The following MMS22L variants were observed in gnomAD, a reference collection of about 807,000 sequenced individuals.
MMS22L encodes MMS22 like, DNA repair protein.
A neutral mutation model predicts 159.1 loss-of-function variants in MMS22L; 74 were observed. The observed-to-expected ratio is 0.47, with a 90% CI of 0.39 to 0.56. The LOEUF (loss-of-function observed/expected upper bound fraction) is 0.56. Among genes scored for constraint, MMS22L ranks in the 20% least tolerant of loss-of-function variants. MMS22L has a pLI of 0.00. For missense variants in MMS22L, 1,351 were observed against 1,422.1 expected, an observed-to-expected ratio of 0.95 and a Z score of 0.80; for synonymous variants, 517 against 506.9, an observed-to-expected ratio of 1.02 and a Z score of -0.27.
At chr6:97,211,662 A>T (rs911560437) in intron 14 of MMS22L, among the ~76,000 whole-genome samples, 2 of 152,124 alleles carry the variant, frequency 1.3e-5, no homozygotes, top group African/African-American at 4.8e-5. Flanking sequence ...TATTCTTCTG[A>T]CATCTATTTT....
At position 97,251,918 on chromosome 6, in the gene MMS22L, C is replaced by T. The variant is rs539232418; in HGVS notation, c.1119+2639G>A. ...CTAACACAGTGAAACCCCGTTTCTA[C>T]GAAAAATACAAAAAATTAGCCAGGC... On this transcript the variant is annotated intron_variant, in intron 10 of 24. Coordinates refer to ENST00000683635, the MANE Select transcript of MMS22L (RefSeq NM_001350599.2). Among the ~76,000 whole-genome samples, 314 of 151,942 alleles carry T rather than the reference C, an allele frequency of 2.1e-3. 2 individuals are homozygous for T. Among genetic ancestry groups the T allele is most frequent in the Admixed American group, 3.3e-3 (50 of 15,234 alleles).
At chr6:97,245,025 G>A (rs1394339495) in intron 11 of MMS22L, among the ~76,000 whole-genome samples, 1 of 152,072 alleles carries the variant, frequency 6.6e-6, no homozygotes, top group Non-Finnish European at 1.5e-5. Flanking sequence ...CAGCCAGCAA[G>A]GTCAGTCTCA....
intron 13 of MMS22L, among the ~76,000 whole-genome samples, chr6:97,229,761 A>G (rs1049127591): frequency 8.5e-5 from 13 of 152,182 alleles, no homozygotes; most frequent in African/African-American, 3.1e-4. Context: ...TCTTTTAAAT[A>G]CAATTTGATA....
chr6:97,236,883 G>A (rs1042115558), intron 11 of MMS22L, among the ~76,000 whole-genome samples: 14 of 151,398 alleles, frequency 9.2e-5, no homozygotes, highest in African/African-American at 2.7e-4. Context: ...CCTGGGAGGC[G>A]AAGCTTGCAG....
chr6:97,173,080 A>T lies in MMS22L; in HGVS notation c.2822T>A (p.Leu941Gln), dbSNP rs765512684. ...ATACATACCCATCATTCCATAAGTC[A>T]GCTGCAGCCCTGCACTGAAAACTTT... ...GKKVFSAGLQ[L>Q]TYGMMGILVK... The change falls in exon 19 of 25, where the codon CTG (leucine) becomes CAG (glutamine). Residue 941 changes from leucine to glutamine, a missense_variant. Coordinates refer to ENST00000683635, the MANE Select transcript of MMS22L (RefSeq NM_001350599.2). 8.1e-6 allele frequency: 13 copies of T among 1,610,384 alleles called. No homozygotes were observed. In the East Asian group the frequency reaches 2.7e-4, roughly 33 times the overall value.
At chr6:97,272,528 G>T in intron 6 of MMS22L, 176 bp downstream of exon 6, 1 of 564,218 alleles carries the variant, frequency 1.8e-6, no homozygotes, top group Non-Finnish European at 3.1e-6. Flanking sequence ...TGGAGGCTGA[G>T]GTGTCATTTG....
Position 97,191,550 on chromosome 6 carries a change from C to A in MMS22L, c.2040-4860G>T, listed in dbSNP as rs572185689. On this transcript the variant is annotated intron_variant, in intron 14 of 24. Coordinates refer to ENST00000683635, the MANE Select transcript of MMS22L (RefSeq NM_001350599.2). ...AAGGATTAACAGCAATAATTGAATTCTTTTAACTCTACTGCAAACATGGTA... is the reference window on the plus strand; with the variant it reads ...AAGGATTAACAGCAATAATTGAATTATTTTAACTCTACTGCAAACATGGTA... 2.9e-4 allele frequency among the ~76,000 whole-genome samples: 43 copies of A among 150,122 alleles called. 2 individuals are homozygous for A. Among genetic ancestry groups the A allele is most frequent in the South Asian group, 1.9e-3 (9 of 4,818 alleles).
At position 97,282,553 on chromosome 6, in the gene MMS22L, C is replaced by T. The variant is rs1700993022; in HGVS notation, c.-76G>A. On this transcript the variant is annotated splice_region_variant and 5_prime_UTR_variant, in exon 2 of 25. Coordinates refer to ENST00000683635, the MANE Select transcript of MMS22L (RefSeq NM_001350599.2). ...TCCAAAGAGAAGGTGTGAAGAGATTCCTGTTGGGGGGGGGGGGGTGGGGCC... is the reference window on the plus strand; with the variant it reads ...TCCAAAGAGAAGGTGTGAAGAGATTTCTGTTGGGGGGGGGGGGGTGGGGCC... 1.6e-5 allele frequency: 2 copies of T among 125,134 alleles called. No homozygotes were observed. The highest frequency in any genetic ancestry group is 3.6e-4 in the Admixed American group (2 of 5,588). 7.8% of individuals were successfully genotyped at this position (125,134 alleles called of 1,614,324 possible).
intron 19 of MMS22L, among the ~76,000 whole-genome samples, chr6:97,171,311 T>C (rs1025492734): frequency 1.4e-4 from 22 of 152,220 alleles, no homozygotes; most frequent in African/African-American, 5.1e-4. Context: ...ATAAATAATA[T>C]CATATCACAA....
intron 14 of MMS22L, among the ~76,000 whole-genome samples, chr6:97,221,601 T>A (rs927354365): frequency 3.3e-5 from 5 of 152,074 alleles, no homozygotes; most frequent in Non-Finnish European, 7.4e-5. Context: ...TCTTTACATA[T>A]TTTATACATT....
rs1382157364 is a variant in MMS22L at position 97,224,561 on chromosome 6, TA to T, written c.2039+4332del. ...AATCATTTTTTCCAACTGACTCATT[TA>T]AAAAAAAAAAAAACTTACAAAATAA... is the stretch of plus-strand genomic sequence containing the variant. On this transcript the variant is annotated intron_variant, in intron 14 of 24. Transcript: ENST00000683635. 3.6e-3 allele frequency among the ~76,000 whole-genome samples: 502 copies of T among 141,042 alleles called. 1 individual carries two copies. Among genetic ancestry groups the T allele is most frequent in the Non-Finnish European group, 3.2e-3 (207 of 64,306 alleles). The allele number at this position is 141,042 out of a possible 152,430, so 92.5% of individuals were successfully genotyped here.
At chr6:97,227,459 T>C (rs551905761) in intron 14 of MMS22L, among the ~76,000 whole-genome samples, 23 of 152,314 alleles carry the variant, frequency 1.5e-4, no homozygotes, top group Non-Finnish European at 2.4e-4. Context: ...AAAACTGATA[T>C]TGGAAACATA....
intron 14 of MMS22L, among the ~76,000 whole-genome samples, chr6:97,225,561 C>G (rs1031610064): frequency 2.0e-5 from 3 of 151,190 alleles, no homozygotes; most frequent in Admixed American, 6.6e-5. Context: ...GTTGGCCAGG[C>G]TGGTCTCGAA....
chr6:97,154,498 G>C (rs1801634123), intron 22 of MMS22L, among the ~76,000 whole-genome samples: 1 of 152,042 alleles, frequency 6.6e-6, no homozygotes, highest in African/African-American at 2.4e-5. Context: ...CATGCTTTTA[G>C]TGCCATAGCT....
intron 14 of MMS22L, among the ~76,000 whole-genome samples, chr6:97,227,171 A>G (rs1464980631): frequency 1.2e-5 from 1 of 85,628 alleles, no homozygotes; most frequent in Non-Finnish European, 3.4e-5. Context: ...ATACGAACCT[A>G]TGAGGAAAAA....
chr6:97,254,374 TAAAC>T (rs907751791), intron 10 of MMS22L, 179 bp downstream of exon 10: 1 of 570,852 alleles, frequency 1.8e-6, no homozygotes, highest in Non-Finnish European at 3.0e-6. Context: ...TTTTTTTAAT[TAAAC>T]AATTAAAACA....
At chr6:97,152,141 C>A (rs909870044) in intron 22 of MMS22L, among the ~76,000 whole-genome samples, 1 of 151,866 alleles carries the variant, frequency 6.6e-6, no homozygotes, top group Non-Finnish European at 1.5e-5. Flanking sequence ...TGCCCATATT[C>A]AAAAAAGTTA....
chr6:97,208,750 T>G (rs1808056239), intron 14 of MMS22L, among the ~76,000 whole-genome samples: 1 of 152,018 alleles, frequency 6.6e-6, no homozygotes, highest in African/African-American at 2.4e-5. Flanking sequence ...ATCACACCCC[T>G]CTACTTAAAA....
At position 97,229,414 on chromosome 6, in the gene MMS22L, T is replaced by C. The variant is rs1055951610; in HGVS notation, c.1530-11A>G. 2.0e-6 allele frequency: 3 copies of C among 1,489,912 alleles called. No homozygotes were observed. The highest frequency in any genetic ancestry group is 2.7e-5 in the South Asian group (2 of 73,346). The allele number at this position is 1,489,912 out of a possible 1,614,324, so 92.3% of individuals were successfully genotyped here. A position where few individuals can be genotyped will look rare whatever the true frequency, so the allele number is the denominator to read the frequency against. Reference sequence around the variant, plus strand: ...AATTTTGAATATATTCTGTAAAACATTAAAAAATGCTTTAATAAAATTGTT... The same window carrying C: ...AATTTTGAATATATTCTGTAAAACACTAAAAAATGCTTTAATAAAATTGTT... On this transcript the variant is annotated splice_polypyrimidine_tract_variant and intron_variant, in intron 13 of 24. Transcript: ENST00000683635.
Sources: allele counts gnomAD v4.1 joint callset (sites outside exome capture counted in the v4.1 genomes callset), GRCh38; gene constraint gnomAD v4.1.1; transcripts MANE v1.5; gene names NCBI Gene and HGNC (gene_info 2026-07-23, HGNC 2026-07-21).